Variants in RBM48 observed in about 807,000 individuals in gnomAD.
RBM48 encodes RNA binding motif protein 48.
In RBM48, 32 loss-of-function variants were observed where a neutral mutation model predicts 34.8. That is an observed-to-expected ratio of 0.92 (90% CI 0.69 to 1.23). RBM48 has a LOEUF of 1.23. RBM48 is among the 50% of genes most tolerant of loss of function. RBM48 has a pLI of 0.00. For missense variants in RBM48, 441 were observed against 447.2 expected, an observed-to-expected ratio of 0.99 and a Z score of 0.12; for synonymous variants, 151 against 156.2, an observed-to-expected ratio of 0.97 and a Z score of 0.25.
At chr7:92,536,160 C>G (rs1793706984) in intron 4 of RBM48, 1 of 985,420 alleles carries the variant, frequency 1.0e-6, no homozygotes, top group Non-Finnish European at 1.2e-6. Context: ...TGTGCTGCCA[C>G]CCTTACTTCC....
rs982823623 is a variant in RBM48 at position 92,537,935 on chromosome 7, C to T, written c.*998C>T. ...TCACCCACCTCGGCCTCCCAAAGTA[C>T]TAGGATTATGGGTGTGACCCACTGT... On this transcript the variant is annotated 3_prime_UTR_variant, in exon 5 of 5. Coordinates refer to ENST00000265732, the MANE Select transcript of RBM48 (RefSeq NM_032120.4). 1 of 152,176 alleles carries T rather than the reference C, an allele frequency of 6.6e-6. No individual in the cohort carries two copies. The highest frequency in any genetic ancestry group is 2.4e-5 in the African/African-American group (1 of 41,420). The allele number at this position is 152,176 out of a possible 1,614,324, so 9.4% of individuals were successfully genotyped here. A position where few individuals can be genotyped will look rare whatever the true frequency, so the allele number is the denominator to read the frequency against.
At chr7:92,536,254 G>A (rs1055012999) in intron 4 of RBM48, 24 of 983,046 alleles carry the variant, frequency 2.4e-5, no homozygotes, top group Middle Eastern at 5.2e-4. Flanking sequence ...CAAGATAAAC[G>A]TGTGAAGTCC....
At chr7:92,529,817 C>T (rs1793504971) in intron 2 of RBM48, 151 bp downstream of exon 2, 1 of 573,074 alleles carries the variant, frequency 1.7e-6, no homozygotes, top group South Asian at 2.3e-5. Flanking sequence ...GTTAACTTTA[C>T]TGAAACACTG....
At chr7:92,532,869 C>T (rs1192646698) in intron 3 of RBM48, among the ~76,000 whole-genome samples, 2 of 152,200 alleles carry the variant, frequency 1.3e-5, no homozygotes, top group African/African-American at 4.8e-5. Context: ...AAATGAGCAT[C>T]ATGCATTTAA....
Position 92,532,402 on chromosome 7 carries a change from A to G in RBM48, c.303-2A>G. On this transcript the variant is annotated splice_acceptor_variant, in intron 2 of 4. Transcript: ENST00000265732. LOFTEE classifies it high-confidence loss of function. ...ACTATGCTATCTTGTATTTCCATTC[A>G]GGACAGCCAAGAGAAAAATGGATGA... The G allele has an allele frequency of 6.2e-7, 1 of 1,601,138 alleles. No individual in the cohort carries two copies. Among genetic ancestry groups the G allele is most frequent in the Non-Finnish European group, 8.5e-7 (1 of 1,175,276 alleles).
rs956316560 is a variant in RBM48, at chr7:92,532,446, A to T, written c.345A>T (p.Gly115=). Reference sequence around the variant, plus strand: ...TGGATGAACAGAGTTTCTTCGGTGGATTGCTTCATGTGTGCTATGCTCCAG... The same window carrying T: ...TGGATGAACAGAGTTTCTTCGGTGGTTTGCTTCATGTGTGCTATGCTCCAG... The part of the protein sequence containing the change: ...RKMDEQSFFG[G]LLHVCYAPEF... The change falls in exon 3 of 5, where the codon GGA becomes GGT. Residue 115 remains glycine (G), a synonymous_variant. Coordinates refer to ENST00000265732, the MANE Select transcript of RBM48 (RefSeq NM_032120.4). 8.7e-6 allele frequency: 14 copies of T among 1,612,058 alleles called. No homozygotes were observed. Among genetic ancestry groups the T allele is most frequent in the African/African-American group, 5.3e-5 (4 of 74,834 alleles).
chr7:92,532,642 A>G (rs887621369), intron 3 of RBM48, 93 bp downstream of exon 3: 2 of 855,600 alleles, frequency 2.3e-6, no homozygotes, highest in Non-Finnish European at 3.7e-6. Flanking sequence ...TAGGAGAGGC[A>G]AGTAAACCAT....
Position 92,538,320 on chromosome 7 carries a change from A to G in RBM48, c.*1383A>G, listed in dbSNP as rs1405973164. Among the ~76,000 whole-genome samples the G allele has an allele frequency of 2.6e-5, 4 of 152,172 alleles. No homozygotes were observed. Among genetic ancestry groups the G allele is most frequent in the Non-Finnish European group, 4.4e-5 (3 of 68,022 alleles). On this transcript the variant is annotated 3_prime_UTR_variant, in exon 5 of 5. Coordinates refer to ENST00000265732, the MANE Select transcript of RBM48 (RefSeq NM_032120.4). ...ACGGAGCAAGTGATCTATAGGCAAC[A>G]CATGGTTAGAGTTGGGGGGTTAATC...
chr7:92,534,657 T>C lies in RBM48; in HGVS notation c.704T>C (p.Met235Thr), dbSNP rs1793660118. 1.2e-6 allele frequency: 2 copies of C among 1,614,188 alleles called. No homozygotes were observed. Among genetic ancestry groups the C allele is most frequent in the East Asian group, 4.5e-5 (2 of 44,888 alleles). The change falls in exon 4 of 5, where the codon ATG becomes ACG. Residue 235 changes from methionine to threonine, a missense_variant. Coordinates refer to ENST00000265732, the MANE Select transcript of RBM48 (RefSeq NM_032120.4). ...GATGGTAGAAACCATCATAAAACAATGGGGCATTATAACCACAATGACTCT... is the reference window on the plus strand; with the variant it reads ...GATGGTAGAAACCATCATAAAACAACGGGGCATTATAACCACAATGACTCT... The part of the protein sequence containing the change: ...SKDGRNHHKT[M>T]GHYNHNDSLR...
Position 92,539,733 on chromosome 7 carries a change from GC to G in RBM48, c.*2797del, listed in dbSNP as rs1423226767. Among the ~76,000 whole-genome samples the G allele has an allele frequency of 8.5e-5, 13 of 152,168 alleles. No homozygotes were observed. The highest frequency in any genetic ancestry group is 7.9e-4 in the Admixed American group (12 of 15,272). Reference sequence around the variant, plus strand: ...TGTTCTTGTATACCATGTTTGAAAAGCATAGTTGATAAAGGAAGAACATGTA... The same window carrying G: ...TGTTCTTGTATACCATGTTTGAAAAGATAGTTGATAAAGGAAGAACATGTA... On this transcript the variant is annotated 3_prime_UTR_variant, in exon 5 of 5. Coordinates refer to ENST00000265732, the MANE Select transcript of RBM48 (RefSeq NM_032120.4).
intron 1 of RBM48, 43 bp downstream of exon 1, chr7:92,528,967 T>C (rs1793456528): frequency 7.2e-7 from 1 of 1,389,024 alleles, no homozygotes. Context: ...GGTAGCTTTA[T>C]GTGAGTGCTA....
In RBM48 at chr7:92,529,792, C is replaced by T. The variant is rs955679648; in HGVS notation, c.302+126C>T. 38 of 590,932 alleles carry T rather than the reference C, an allele frequency of 6.4e-5. No homozygotes were observed. The African/African-American group carries it at 6.9e-4, about 11-fold the overall frequency. The allele number at this position is 590,932 out of a possible 1,614,324, so 36.6% of individuals were successfully genotyped here. A position where few individuals can be genotyped will look rare whatever the true frequency, so the allele number is the denominator to read the frequency against. ...AAAACGTAATCTAGCATATCTTCCT[C>T]CAGCCTTTTTAAAAGTTAACTTTAC... On this transcript the variant is annotated intron_variant, in intron 2 of 4. Coordinates refer to ENST00000265732, the MANE Select transcript of RBM48 (RefSeq NM_032120.4).
At position 92,532,496 on chromosome 7, in the gene RBM48, G is replaced by GA. The variant is rs754768719; in HGVS notation, c.402dup (p.Leu135ThrfsTer13). 2 of 1,612,654 alleles carry GA rather than the reference G, an allele frequency of 1.2e-6. No homozygotes were observed. The highest frequency in any genetic ancestry group is 8.5e-7 in the Non-Finnish European group (1 of 1,179,022). On this transcript the variant is annotated frameshift_variant, in exon 3 of 5. Transcript: ENST00000265732. LOFTEE classifies it high-confidence loss of function. ...GAATTTGAAACAGTTGAAGAAACTA[G>GA]AAAAAAACTACAAATGCGGAAGGCA...
chr7:92,529,426 G>A, intron 1 of RBM48, 50 bp from the exon 2 acceptor site: 1 of 1,142,054 alleles, frequency 8.8e-7, no homozygotes, highest in Non-Finnish European at 1.3e-6. Flanking sequence ...AGGCAGATTC[G>A]TCCTAGGCTT....
intron 2 of RBM48, among the ~76,000 whole-genome samples, chr7:92,531,220 T>C (rs1023515398): frequency 2.6e-5 from 4 of 152,232 alleles, no homozygotes; most frequent in African/African-American, 9.6e-5. Flanking sequence ...TATCTACTTC[T>C]TGGGGTTGTA....
At chr7:92,529,393 A>C in intron 1 of RBM48, 83 bp from the exon 2 acceptor site, 1 of 811,082 alleles carries the variant, frequency 1.2e-6, no homozygotes, top group Non-Finnish European at 2.0e-6. Context: ...CTTGTTTTCA[A>C]AGTTCTCTTT....
At chr7:92,534,195 A>G (rs1189494756) in intron 3 of RBM48, 1 of 666,412 alleles carries the variant, frequency 1.5e-6, no homozygotes, top group South Asian at 1.8e-5. Flanking sequence ...GAGAGCAAGG[A>G]AAGGGTGACA....
chr7:92,536,575 A>G (rs1470989908), intron 4 of RBM48: 2 of 1,056,558 alleles, frequency 1.9e-6, no homozygotes, highest in East Asian at 6.9e-5. Flanking sequence ...CTTTAGATCT[A>G]TAAAGGAATG....
intron 4 of RBM48, chr7:92,536,320 A>G: frequency 3.1e-6 from 3 of 976,466 alleles, no homozygotes; most frequent in African/African-American, 3.5e-5. Context: ...ACAGTTTACT[A>G]TAGTTTCTAA....
Sources: gnomAD v4.1 joint callset for allele counts (sites outside exome capture counted in the v4.1 genomes callset) on GRCh38, gnomAD v4.1.1 for gene constraint, MANE v1.5 for transcripts, NCBI Gene and HGNC (gene_info 2026-07-23, HGNC 2026-07-21) for gene names.